Variants in CSMD1 observed in about 807,000 individuals in gnomAD.
CSMD1 encodes the protein CUB and sushi domain-containing protein 1.
CSMD1 carries 213 observed loss-of-function variants against 417.5 expected under a neutral mutation model. The ratio of observed to expected loss-of-function variants is 0.51; its 90% CI spans 0.46 to 0.57. CSMD1 has a LOEUF of 0.57. CSMD1 is among the 20% of genes least tolerant of loss of function. CSMD1 has a pLI of 0.00. For synonymous variants in CSMD1, 2,862 were observed against 1,736.8 expected, an observed-to-expected ratio of 1.65 and a Z score of -16.11; for missense variants, 6,923 against 4,529.7, an observed-to-expected ratio of 1.53 and a Z score of -15.17.
chr8:4,428,802 C>T (rs928280888), intron 2 of CSMD1, among the ~76,000 whole-genome samples: 1 of 152,070 alleles, frequency 6.6e-6, no homozygotes, highest in Non-Finnish European at 1.5e-5. Context: ...TCACTGCAAC[C>T]TCCACCTCCC....
chr8:3,974,056 C>T (rs1813254012), intron 5 of CSMD1, among the ~76,000 whole-genome samples: 1 of 152,094 alleles, frequency 6.6e-6, no homozygotes, highest in Admixed American at 6.6e-5. Flanking sequence ...TGACTATAGT[C>T]TCCTCGTTGT....
chr8:4,749,629 C>G (rs1476466284), intron 1 of CSMD1, among the ~76,000 whole-genome samples: 1 of 152,146 alleles, frequency 6.6e-6, no homozygotes, highest in Non-Finnish European at 1.5e-5. Flanking sequence ...GTACCAGCGT[C>G]AAAAGTTTCA....
rs983078465 is a variant in CSMD1 at position 3,810,969 on chromosome 8, A to G, written c.819-56927T>C. Among the ~76,000 whole-genome samples, 16 of 152,204 alleles carry G rather than the reference A, an allele frequency of 1.1e-4. 1 individual carries two copies. Among genetic ancestry groups the G allele is most frequent in the African/African-American group, 3.1e-4 (13 of 41,458 alleles). ...ATAATAACGTTTGTTCTTTATTAATATAAGTACAAGTACTTTAAAGCTATG... is the reference window on the plus strand; with the variant it reads ...ATAATAACGTTTGTTCTTTATTAATGTAAGTACAAGTACTTTAAAGCTATG... On this transcript the variant is annotated intron_variant, in intron 5 of 69. Transcript: ENST00000635120.
rs145670302 is a variant in CSMD1, at chr8:3,718,545, C to A, written c.932-10054G>T. ...GATATTCCTGATTGGTTATCAGAAT[C>A]TTTTAATTTAATGTCGCTTAATAGC... On this transcript the variant is annotated intron_variant, in intron 6 of 69. Transcript: ENST00000635120. Among the ~76,000 whole-genome samples, 621 of 152,234 alleles carry A rather than the reference C, an allele frequency of 4.1e-3. 7 individuals are homozygous for A. Among genetic ancestry groups the A allele is most frequent in the African/African-American group, 0.014 (583 of 41,548 alleles).
chr8:4,308,160 G>A (rs574477190), intron 3 of CSMD1, among the ~76,000 whole-genome samples: 9 of 152,164 alleles, frequency 5.9e-5, no homozygotes, highest in Admixed American at 2.0e-4. Context: ...GCGTTTCTTC[G>A]AATGTTCCTC....
intron 2 of CSMD1, among the ~76,000 whole-genome samples, chr8:4,440,384 T>A (rs971823329): frequency 6.6e-6 from 1 of 152,034 alleles, no homozygotes; most frequent in Non-Finnish European, 1.5e-5. Context: ...GAATAAGGAG[T>A]CAGAGGATTG....
At chr8:4,936,555 A>T (rs1807635845) in intron 1 of CSMD1, among the ~76,000 whole-genome samples, 1 of 152,192 alleles carries the variant, frequency 6.6e-6, no homozygotes, top group Non-Finnish European at 1.5e-5. Context: ...GGAGGTAGAA[A>T]TTCATAAGCA....
chr8:3,110,286 A>C lies in CSMD1; in HGVS notation c.6480T>G (p.Pro2160=). ...GGATCGGATACTCATCAGGAAAGCC[A>C]GGGGAGTAGATGGTGCCGTTCTGAG... The part of the protein sequence containing the change: ...VTSQNGTIYS[P]GFPDEYPILK... The change falls in exon 43 of 70, where the codon CCT becomes CCG. Residue 2160 remains proline (P), a synonymous_variant. Transcript: ENST00000635120. The C allele has an allele frequency of 6.2e-7, 1 of 1,613,510 alleles. No individual in the cohort carries two copies. The highest frequency in any genetic ancestry group is 8.5e-7 in the Non-Finnish European group (1 of 1,179,700).
intron 26 of CSMD1, among the ~76,000 whole-genome samples, chr8:3,237,467 A>C (rs1353454617): frequency 6.7e-6 from 1 of 150,286 alleles, no homozygotes; most frequent in East Asian, 1.9e-4. Flanking sequence ...AAAACAAAAA[A>C]CCAAAAAACC....
At chr8:4,623,032 G>A (rs1387221032) in intron 2 of CSMD1, among the ~76,000 whole-genome samples, 1 of 152,078 alleles carries the variant, frequency 6.6e-6, no homozygotes, top group East Asian at 1.9e-4. Flanking sequence ...ACTAAAAAAT[G>A]TTGTTAAATA....
chr8:4,544,417 G>T lies in CSMD1; in HGVS notation c.302+92925C>A, dbSNP rs561863501. On this transcript the variant is annotated intron_variant, in intron 2 of 69. Coordinates refer to ENST00000635120, the MANE Select transcript of CSMD1 (RefSeq NM_033225.6). ...ACTTTTATTAATAAAAATTACAGTA[G>T]TTATAAAATTTTGTAATAGTTATAT... is the stretch of plus-strand genomic sequence containing the variant. Among the ~76,000 whole-genome samples, 349 of 152,060 alleles carry T rather than the reference G, an allele frequency of 2.3e-3. 2 individuals are homozygous for T. Among genetic ancestry groups the T allele is most frequent in the African/African-American group, 8.0e-3 (334 of 41,504 alleles).
chr8:4,339,147 C>A (rs769950818), intron 3 of CSMD1, among the ~76,000 whole-genome samples: 4 of 152,072 alleles, frequency 2.6e-5, no homozygotes, highest in Admixed American at 1.3e-4. Flanking sequence ...CAAATGCTAT[C>A]AGCTATGAAA....
chr8:4,779,999 TC>T (rs752938525), intron 1 of CSMD1, among the ~76,000 whole-genome samples: 1 of 152,194 alleles, frequency 6.6e-6, no homozygotes, highest in Non-Finnish European at 1.5e-5. Context: ...AACATTCTTT[TC>T]TCTTCTCTTT....
At chr8:4,341,157 T>A (rs1278755010) in intron 3 of CSMD1, among the ~76,000 whole-genome samples, 5 of 152,074 alleles carry the variant, frequency 3.3e-5, no homozygotes, top group African/African-American at 1.2e-4. Flanking sequence ...CATTTTGAAT[T>A]AGTAGGCGTT....
chr8:3,154,345 C>G (rs1353468329), intron 39 of CSMD1, among the ~76,000 whole-genome samples: 1 of 152,220 alleles, frequency 6.6e-6, no homozygotes, highest in Non-Finnish European at 1.5e-5. Context: ...GTGTGGTCAT[C>G]AAGTTGCAGA....
intron 1 of CSMD1, among the ~76,000 whole-genome samples, chr8:4,850,319 T>C (rs1801390154): frequency 1.3e-5 from 2 of 152,082 alleles, no homozygotes; most frequent in Admixed American, 1.3e-4. Context: ...CGGCTTGTGT[T>C]TTTACTGTCT....
chr8:3,626,914 T>G (rs1365335565), intron 7 of CSMD1, among the ~76,000 whole-genome samples: 1 of 150,708 alleles, frequency 6.6e-6, no homozygotes, highest in Non-Finnish European at 1.5e-5. Flanking sequence ...TATTAAGGCT[T>G]TATTAAATAT....
chr8:4,708,378 C>T (rs777208700), intron 1 of CSMD1, among the ~76,000 whole-genome samples: 1 of 152,176 alleles, frequency 6.6e-6, no homozygotes. Context: ...GTTCATTATT[C>T]TGTTCAGTGC....
At chr8:4,941,262 A>T (rs11783663) in intron 1 of CSMD1, among the ~76,000 whole-genome samples, 77,597 of 151,880 alleles carry the variant, frequency 0.51, 21,052 homozygotes, top group East Asian at 0.79. Flanking sequence ...TTTCAAACAC[A>T]GTAACATTCT....
Sources: allele counts gnomAD v4.1 joint callset (sites outside exome capture counted in the v4.1 genomes callset), GRCh38; gene constraint gnomAD v4.1.1; transcripts MANE v1.5; gene names NCBI Gene and HGNC (gene_info 2026-07-23, HGNC 2026-07-21).